The following NIBAN1 variants were observed in gnomAD, a reference collection of about 807,000 sequenced individuals.
The protein encoded by NIBAN1 is protein Niban 1.
Under a neutral mutation model 75.1 loss-of-function variants are expected in NIBAN1, and 81 were observed. The ratio of observed to expected loss-of-function variants is 1.08; its 90% CI spans 0.90 to 1.30. The LOEUF (loss-of-function observed/expected upper bound fraction) is 1.30. NIBAN1 is among the 50% of genes most tolerant of loss of function. The pLI, the probability that NIBAN1 is intolerant of heterozygous loss-of-function variation, is 0.00. For missense variants in NIBAN1, 1,133 were observed against 1,128.1 expected (o/e 1.00, Z -0.06); for synonymous variants, 436 against 424.8 (o/e 1.03, Z -0.32).
intron 1 of NIBAN1, among the ~76,000 whole-genome samples, chr1:184,910,929 C>G (rs1657224666): frequency 6.6e-6 from 1 of 152,160 alleles, no homozygotes. Context: ...AGCATGGGTT[C>G]TTCCTGGGTC....
At chr1:184,916,492 CA>C (rs66988609) in intron 1 of NIBAN1, among the ~76,000 whole-genome samples, 74,653 of 151,538 alleles carry the variant, frequency 0.49, 18,468 homozygotes, top group South Asian at 0.58. Context: ...TAGCTATGAG[CA>C]AAAAAAATCC....
chr1:184,837,102 T>TGTTCAATCTG, intron 5 of NIBAN1, among the ~76,000 whole-genome samples: 1 of 152,330 alleles, frequency 6.6e-6, no homozygotes, highest in African/African-American at 2.4e-5. Context: ...AATGTACAGG[T>TGTTCAATCTG]GTTCAAGAGA....
At chr1:184,853,093 A>G (rs901379139) in intron 5 of NIBAN1, among the ~76,000 whole-genome samples, 9 of 152,382 alleles carry the variant, frequency 5.9e-5, no homozygotes, top group Middle Eastern at 6.8e-3. Context: ...TAGCAAAACT[A>G]TGAAATATTA....
At chr1:184,911,640 C>T (rs1263893952) in intron 1 of NIBAN1, among the ~76,000 whole-genome samples, 1 of 152,112 alleles carries the variant, frequency 6.6e-6, no homozygotes, top group African/African-American at 2.4e-5. Flanking sequence ...CTGTTTTGCA[C>T]AAAATCAAGG....
chr1:184,934,371 C>T (rs234636), intron 1 of NIBAN1, among the ~76,000 whole-genome samples: 94,277 of 152,020 alleles, frequency 0.62, 30,223 homozygotes, highest in African/African-American at 0.77. Context: ...GGATACTATG[C>T]TTACTCTCTG....
intron 9 of NIBAN1, among the ~76,000 whole-genome samples, chr1:184,816,980 A>C (rs1273349614): frequency 6.6e-6 from 1 of 152,088 alleles, no homozygotes; most frequent in Non-Finnish European, 1.5e-5. Flanking sequence ...GCATCCATCA[A>C]GTTGTCATTT....
intron 1 of NIBAN1, among the ~76,000 whole-genome samples, chr1:184,917,010 GCCCAGCCAATATCTAGC>G (rs1484085103): frequency 6.6e-6 from 1 of 151,924 alleles, no homozygotes; most frequent in Admixed American, 6.6e-5. Context: ...TTCAAAATCT[GCCCAGCCAATATCTAGC>G]CACGGATCAA....
At chr1:184,951,282 C>T (rs797017832) in intron 1 of NIBAN1, among the ~76,000 whole-genome samples, 4 of 152,230 alleles carry the variant, frequency 2.6e-5, no homozygotes, top group African/African-American at 9.6e-5. Context: ...ATGTTCTTAC[C>T]CTAGTGCCTG....
chr1:184,803,950 G>T (rs1056814351), intron 11 of NIBAN1, among the ~76,000 whole-genome samples: 2 of 152,194 alleles, frequency 1.3e-5, no homozygotes, highest in Non-Finnish European at 2.9e-5. Flanking sequence ...GGTGAGTTCT[G>T]CATTATAAAG....
chr1:184,959,801 C>T (rs1006113374), intron 1 of NIBAN1, among the ~76,000 whole-genome samples: 3 of 152,174 alleles, frequency 2.0e-5, no homozygotes, highest in African/African-American at 7.2e-5. Flanking sequence ...TATCATAAGG[C>T]CTTTCTACTT....
At chr1:184,926,931 G>A (rs984010480) in intron 1 of NIBAN1, among the ~76,000 whole-genome samples, 5 of 151,960 alleles carry the variant, frequency 3.3e-5, no homozygotes, top group Non-Finnish European at 5.9e-5. Context: ...GATCAATTCT[G>A]TTATTAAGGG....
intron 6 of NIBAN1, among the ~76,000 whole-genome samples, chr1:184,830,806 G>A (rs28521358): frequency 0.05 from 7,608 of 152,098 alleles, 630 homozygotes; most frequent in African/African-American, 0.17. Flanking sequence ...TTTGAGACTA[G>A]CCTGGCCAAC....
chr1:184,834,406 T>C (rs1655084026), intron 5 of NIBAN1, among the ~76,000 whole-genome samples: 1 of 152,232 alleles, frequency 6.6e-6, no homozygotes, highest in Admixed American at 6.5e-5. Context: ...ATGGTATTCC[T>C]AGTTCTAGAT....
chr1:184,956,709 T>G (rs1225800982), intron 1 of NIBAN1, among the ~76,000 whole-genome samples: 1 of 152,196 alleles, frequency 6.6e-6, no homozygotes, highest in African/African-American at 2.4e-5. Context: ...TTTATCATCC[T>G]CTCTATATTT....
chr1:184,937,969 G>A (rs1658003701), intron 1 of NIBAN1, among the ~76,000 whole-genome samples: 1 of 152,182 alleles, frequency 6.6e-6, no homozygotes, highest in South Asian at 2.1e-4. Flanking sequence ...CTGAAACTTG[G>A]CAGGCAGGTA....
chr1:184,830,703 GAA>G (rs922821103), intron 6 of NIBAN1, among the ~76,000 whole-genome samples: 6 of 149,320 alleles, frequency 4.0e-5, no homozygotes, highest in African/African-American at 1.5e-4. Flanking sequence ...AGGAGATGTG[GAA>G]AAAAAAAATA....
At chr1:184,921,029 TG>T (rs1657519409) in intron 1 of NIBAN1, among the ~76,000 whole-genome samples, 2 of 150,954 alleles carry the variant, frequency 1.3e-5, no homozygotes. Context: ...CTCAGGAGGC[TG>T]AGGCAGGAGA....
chr1:184,862,101 T>G (rs1039946317), intron 5 of NIBAN1, among the ~76,000 whole-genome samples: 1 of 152,146 alleles, frequency 6.6e-6, no homozygotes, highest in Non-Finnish European at 1.5e-5. Flanking sequence ...AAGTCAACAT[T>G]AGACCATGCC....
intron 5 of NIBAN1, among the ~76,000 whole-genome samples, chr1:184,859,021 T>C (rs913699549): frequency 6.6e-5 from 10 of 151,686 alleles, no homozygotes; most frequent in African/African-American, 2.4e-4. Flanking sequence ...GAGAAAAATA[T>C]GGAAAGATAC....
Sources: allele counts gnomAD v4.1 joint callset (sites outside exome capture counted in the v4.1 genomes callset), GRCh38; gene constraint gnomAD v4.1.1; transcripts MANE v1.5; gene names NCBI Gene and HGNC (gene_info 2026-07-23, HGNC 2026-07-21).